TENM1: variants seen among roughly 807,000 people sequenced by gnomAD.
TENM1 encodes the protein teneurin-1.
A neutral mutation model predicts 174.8 loss-of-function variants in TENM1; 35 were observed. That is an observed-to-expected ratio of 0.20 (90% confidence interval 0.15 to 0.27). The LOEUF (loss-of-function observed/expected upper bound fraction) is 0.27. Ranked by LOEUF, TENM1 falls within the 10% of genes least tolerant of loss-of-function variation. The probability of loss-of-function intolerance (pLI) is 1.00; values close to 1 mark genes in which losing one functional copy is unlikely to be tolerated. For synonymous variants in TENM1, 781 were observed against 798.7 expected (o/e 0.98, Z 0.37); for missense variants, 1,633 against 2,130.1 (o/e 0.77, Z 4.59).
chrX:124,411,193 A>G (rs2060527810), intron 25 of TENM1, among the ~76,000 whole-genome samples: 1 of 111,572 alleles, frequency 9.0e-6, no homozygotes, highest in South Asian at 3.8e-4. Flanking sequence ...ATATTCCTAC[A>G]TATTTTGTAC....
intron 22 of TENM1, among the ~76,000 whole-genome samples, chrX:124,479,952 A>G (rs1256082315): frequency 8.9e-6 from 1 of 111,876 alleles, no homozygotes; most frequent in African/African-American, 3.3e-5. Flanking sequence ...AAATAAAGAA[A>G]AAATTTACCA....
chrX:124,844,502 G>A (rs930009612), intron 3 of TENM1, among the ~76,000 whole-genome samples: 12 of 111,137 alleles, frequency 1.1e-4, no homozygotes, highest in African/African-American at 2.3e-4. Flanking sequence ...TGTGGTTGAC[G>A]GGGGTGGTAA....
chrX:124,456,493 T>C (rs1350015428), intron 22 of TENM1, among the ~76,000 whole-genome samples: 1 of 111,904 alleles, frequency 8.9e-6, no homozygotes, highest in African/African-American at 3.2e-5. Flanking sequence ...CTGGTGAAGC[T>C]TAAGGGGTAT....
intron 5 of TENM1, among the ~76,000 whole-genome samples, chrX:124,696,711 T>C (rs185967699): frequency 1.8e-5 from 2 of 111,775 alleles, no homozygotes; most frequent in Non-Finnish European, 3.8e-5. Flanking sequence ...AAAGACTGCA[T>C]TATTGTTATT....
At chrX:124,592,858 T>G (rs2049794816) in intron 11 of TENM1, among the ~76,000 whole-genome samples, 1 of 109,500 alleles carries the variant, frequency 9.1e-6, no homozygotes, top group African/African-American at 3.3e-5. Flanking sequence ...GTCTTTTGGC[T>G]TTGCTTCTAT....
chrX:124,645,477 A>C, intron 9 of TENM1, 140 bp from the exon 13 acceptor site: 1 of 511,270 alleles, frequency 2.0e-6, no homozygotes, highest in South Asian at 4.4e-5. Context: ...GCACATGTTC[A>C]TGATTACAAA....
chrX:124,658,401 G>T (rs1186512005), intron 6 of TENM1, among the ~76,000 whole-genome samples: 1 of 111,545 alleles, frequency 9.0e-6, no homozygotes, highest in Non-Finnish European at 1.9e-5. Flanking sequence ...TAGTAATGTT[G>T]ATAATTTTTT....
At chrX:125,203,631 C>T in the TENM1 span, among the ~76,000 whole-genome samples, 1 of 112,704 alleles carries the variant, frequency 8.9e-6, no homozygotes, top group East Asian at 2.8e-4. Context: ...GAGGCTCTGC[C>T]ACCTCGGGCA....
chrX:124,588,753 C>T (rs1000628976), intron 11 of TENM1, among the ~76,000 whole-genome samples: 3 of 111,717 alleles, frequency 2.7e-5, no homozygotes, highest in Admixed American at 1.9e-4. Context: ...ATCTGTGTAT[C>T]CTGAAACTTT....
intron 11 of TENM1, among the ~76,000 whole-genome samples, chrX:124,601,451 T>G (rs773074062): frequency 2.7e-5 from 3 of 110,905 alleles, no homozygotes; most frequent in Non-Finnish European, 5.7e-5. Flanking sequence ...GATTTCAGAC[T>G]TGATGGCAGG....
At chrX:125,093,112 GA>G in the TENM1 span, among the ~76,000 whole-genome samples, 1 of 111,882 alleles carries the variant, frequency 8.9e-6, no homozygotes, top group East Asian at 2.8e-4. Context: ...AGAAATTAAA[GA>G]AAAAAACTTT....
At chrX:124,899,175 A>G (rs764150344) in intron 1 of TENM1, among the ~76,000 whole-genome samples, 14 of 111,624 alleles carry the variant, frequency 1.3e-4, no homozygotes, top group African/African-American at 4.6e-4. Context: ...CACCACAAGT[A>G]GTTGTTTTCT....
the TENM1 span, among the ~76,000 whole-genome samples, chrX:125,087,820 C>T: frequency 9.0e-6 from 1 of 110,883 alleles, no homozygotes; most frequent in Non-Finnish European, 1.9e-5. Flanking sequence ...ATTTGTAAGT[C>T]CACACTGATA....
chrX:124,836,708 G>C (rs1356636334), intron 3 of TENM1, among the ~76,000 whole-genome samples: 1 of 112,322 alleles, frequency 8.9e-6, no homozygotes, highest in East Asian at 2.8e-4. Flanking sequence ...AGCTGGAAGA[G>C]CCCTTGCAAA....
intron 11 of TENM1, among the ~76,000 whole-genome samples, chrX:124,625,666 A>T (rs911704380): frequency 1.8e-5 from 2 of 110,782 alleles, no homozygotes; most frequent in African/African-American, 6.6e-5. Context: ...ATCATGGCAG[A>T]AGGCAAAGGG....
At chrX:124,433,378 C>T (rs185884400) in intron 23 of TENM1, among the ~76,000 whole-genome samples, 60 of 111,999 alleles carry the variant, frequency 5.4e-4, no homozygotes, top group Admixed American at 5.0e-3. Flanking sequence ...AAGGGGATGA[C>T]TAATTGCTTA....
chrX:124,772,703 G>T (rs1488926622), intron 3 of TENM1, among the ~76,000 whole-genome samples: 2 of 111,186 alleles, frequency 1.8e-5, no homozygotes, highest in Non-Finnish European at 3.8e-5. Flanking sequence ...TGCCATAAAA[G>T]AAGATTTTCA....
the TENM1 span, among the ~76,000 whole-genome samples, chrX:124,995,501 T>G: frequency 2.7e-5 from 3 of 111,732 alleles, no homozygotes; most frequent in Non-Finnish European, 3.8e-5. Flanking sequence ...GGCACAATGC[T>G]GCTCCTATTT....
At chrX:124,538,996 C>A (rs2048263191) in intron 15 of TENM1, among the ~76,000 whole-genome samples, 1 of 111,420 alleles carries the variant, frequency 9.0e-6, no homozygotes, top group African/African-American at 3.3e-5. Flanking sequence ...TTTCTCTTTC[C>A]AGGTCCTAGT....
Sources: gnomAD v4.1 joint callset for allele counts (sites outside exome capture counted in the v4.1 genomes callset) on GRCh38, gnomAD v4.1.1 for gene constraint, MANE v1.5 for transcripts, NCBI Gene and HGNC (gene_info 2026-07-23, HGNC 2026-07-21) for gene names.